BICD1: variants seen among roughly 807,000 people sequenced by gnomAD.
BICD1 encodes BICD cargo adaptor 1.
A neutral mutation model predicts 92.5 loss-of-function variants in BICD1; 35 were observed. The observed-to-expected ratio is 0.38, with a 90% CI of 0.29 to 0.50. The LOEUF is 0.50. Ranked by LOEUF, BICD1 falls within the 20% of genes least tolerant of loss-of-function variation. The pLI, the probability that BICD1 is intolerant of heterozygous loss-of-function variation, is 0.93. For missense variants in BICD1, 950 were observed against 1,189.8 expected (o/e 0.80, Z 2.97); for synonymous variants, 429 against 465.1 (o/e 0.92, Z 1.00).
chr12:32,321,202 T>G (rs1948647748), intron 4 of BICD1, among the ~76,000 whole-genome samples: 1 of 152,058 alleles, frequency 6.6e-6, no homozygotes, highest in Non-Finnish European at 1.5e-5. Flanking sequence ...GGCACGTCCC[T>G]GTAAGCCCAA....
chr12:32,197,145 A>C (rs1944750399), intron 1 of BICD1, among the ~76,000 whole-genome samples: 1 of 151,790 alleles, frequency 6.6e-6, no homozygotes. Flanking sequence ...AGTAGCTGGG[A>C]TTACAGGCAT....
chr12:32,337,391 A>G lies in BICD1; in HGVS notation c.2253-108A>G. On this transcript the variant is annotated intron_variant, in intron 6 of 9. Coordinates refer to ENST00000652176, the MANE Select transcript of BICD1 (RefSeq NM_001714.4). The surrounding 1 kb of genome is among the most constrained non-coding windows in gnomAD (Gnocchi z 4.7). Reference sequence around the variant, plus strand: ...CATTCTATTGCTAGACCTTTAAACCAGTCTTCTAAATTTCTAAATTTCGGT... The same window carrying G: ...CATTCTATTGCTAGACCTTTAAACCGGTCTTCTAAATTTCTAAATTTCGGT... 1 of 962,418 alleles carries G rather than the reference A, an allele frequency of 1.0e-6. No individual in the cohort carries two copies. The highest frequency in any genetic ancestry group is 1.6e-6 in the Non-Finnish European group (1 of 642,192). The allele number at this position is 962,418 out of a possible 1,614,324, so 59.6% of individuals were successfully genotyped here. A position where few individuals can be genotyped will look rare whatever the true frequency, so the allele number is the denominator to read the frequency against.
intron 1 of BICD1, among the ~76,000 whole-genome samples, chr12:32,170,342 A>G (rs901539191): frequency 1.3e-5 from 2 of 152,148 alleles, no homozygotes; most frequent in African/African-American, 4.8e-5. Flanking sequence ...GCTGCCTTAA[A>G]TGCTTTTTGG....
At chr12:32,316,662 G>A (rs1343680574) in intron 4 of BICD1, among the ~76,000 whole-genome samples, 1 of 151,660 alleles carries the variant, frequency 6.6e-6, no homozygotes, top group Non-Finnish European at 1.5e-5. Flanking sequence ...CACAAGTTGA[G>A]GAGCATCTGT....
rs1948436851 is a variant in BICD1 at position 32,313,860 on chromosome 12, A to G, written c.1005+7738A>G. On this transcript the variant is annotated intron_variant, in intron 4 of 9. Transcript: ENST00000652176. The surrounding 1 kb of genome is among the most constrained non-coding windows in gnomAD (Gnocchi z 4.2). ...GCTGGGCACGGTGGTGCGTGCCTATAGTCCCAGCTACTAGGGTCGCTGAGG... is the reference window on the plus strand; with the variant it reads ...GCTGGGCACGGTGGTGCGTGCCTATGGTCCCAGCTACTAGGGTCGCTGAGG... Among the ~76,000 whole-genome samples the G allele has an allele frequency of 6.6e-6, 1 of 152,146 alleles. No individual in the cohort carries two copies. The highest frequency in any genetic ancestry group is 1.5e-5 in the Non-Finnish European group (1 of 68,010).
chr12:32,120,112 C>G (rs1565528460), intron 1 of BICD1, among the ~76,000 whole-genome samples: 1 of 151,770 alleles, frequency 6.6e-6, no homozygotes, highest in Non-Finnish European at 1.5e-5. Flanking sequence ...CTTATTGTGT[C>G]TATTTATTTT....
At position 32,160,599 on chromosome 12, in the gene BICD1, C is replaced by G. The variant is rs146110541; in HGVS notation, c.213+53055C>G. ...AATAAGAGCTAACTGATTCAAATTA[C>G]TTTTATTCCTTATCATCTGATATGA... On this transcript the variant is annotated intron_variant, in intron 1 of 9. Transcript: ENST00000652176. Among the ~76,000 whole-genome samples the G allele has an allele frequency of 7.6e-3, 1,158 of 152,024 alleles. 9 individuals are homozygous for G. Among genetic ancestry groups the G allele is most frequent in the Non-Finnish European group, 0.012 (817 of 67,966 alleles).
intron 4 of BICD1, among the ~76,000 whole-genome samples, chr12:32,312,912 A>G (rs1446566567): frequency 6.6e-6 from 1 of 152,130 alleles, no homozygotes; most frequent in African/African-American, 2.4e-5. Flanking sequence ...ATAGGTTGTA[A>G]TTGACATTTT....
chr12:32,189,759 T>C (rs568282374), intron 1 of BICD1, among the ~76,000 whole-genome samples: 90 of 150,064 alleles, frequency 6.0e-4, no homozygotes, highest in Middle Eastern at 3.5e-3. Flanking sequence ...AGTGCAGTGG[T>C]GCAATCTCGG....
chr12:32,168,377 C>A (rs12814725), intron 1 of BICD1, among the ~76,000 whole-genome samples: 13,272 of 151,994 alleles, frequency 0.087, 682 homozygotes, highest in Middle Eastern at 0.14. Context: ...TGAAGACCCT[C>A]AGTTCATACT....
At chr12:32,164,203 C>G (rs1299179615) in intron 1 of BICD1, among the ~76,000 whole-genome samples, 1 of 152,184 alleles carries the variant, frequency 6.6e-6, no homozygotes, top group African/African-American at 2.4e-5. Context: ...TGAGTCAAAT[C>G]ATTGAGACTT....
chr12:32,109,603 C>T (rs1197882901), intron 1 of BICD1: 6 of 151,582 alleles, frequency 4.0e-5, no homozygotes, highest in Middle Eastern at 3.4e-3. Flanking sequence ...TTTTACTAAA[C>T]GATTCTTGTT....
At chr12:32,107,677 A>T (rs896211668) in intron 1 of BICD1, 133 bp downstream of exon 1, 10 of 998,578 alleles carry the variant, frequency 1.0e-5, no homozygotes, top group Non-Finnish European at 1.5e-5. Context: ...TTTGTTGGTA[A>T]GAGAAGATTG....
At chr12:32,344,850 T>A (rs938488239) in intron 8 of BICD1, among the ~76,000 whole-genome samples, 1 of 152,186 alleles carries the variant, frequency 6.6e-6, no homozygotes, top group Non-Finnish European at 1.5e-5. Flanking sequence ...CTTGAACTAG[T>A]AGGAGTGAAG....
At chr12:32,253,824 CGT>C (rs1565620863) in intron 2 of BICD1, among the ~76,000 whole-genome samples, 8 of 131,364 alleles carry the variant, frequency 6.1e-5, no homozygotes, top group African/African-American at 2.1e-4. Context: ...TAATCACTGC[CGT>C]ATCCCACCTG....
intron 8 of BICD1, among the ~76,000 whole-genome samples, chr12:32,358,289 T>G (rs1275236500): frequency 6.6e-6 from 1 of 151,808 alleles, no homozygotes; most frequent in Non-Finnish European, 1.5e-5. Flanking sequence ...TTAGTAGAGA[T>G]GAGTTTTCAC....
At position 32,313,985 on chromosome 12, in the gene BICD1, A is replaced by C. The variant is rs2136232255; in HGVS notation, c.1005+7863A>C. ...GGTGAAAGAGCGTGACCCTATCAAT[A>C]AATAAATAAAATAAAAATAAATGGA... On this transcript the variant is annotated intron_variant, in intron 4 of 9. Coordinates refer to ENST00000652176, the MANE Select transcript of BICD1 (RefSeq NM_001714.4). The surrounding 1 kb of genome is among the most constrained non-coding windows in gnomAD (Gnocchi z 4.2). 6.6e-6 allele frequency among the ~76,000 whole-genome samples: 1 copy of C among 152,308 alleles called. No individual in the cohort carries two copies. The highest frequency in any genetic ancestry group is 1.9e-4 in the East Asian group (1 of 5,190).
At chr12:32,308,355 A>G (rs1289513571) in intron 4 of BICD1, among the ~76,000 whole-genome samples, 2 of 152,244 alleles carry the variant, frequency 1.3e-5, no homozygotes, top group Non-Finnish European at 2.9e-5. Context: ...TCTGAGAGTC[A>G]GCCACTAGTT....
intron 5 of BICD1, chr12:32,332,984 A>C (rs11051944): frequency 1.0e-6 from 1 of 985,188 alleles, no homozygotes; most frequent in Non-Finnish European, 1.2e-6. Context: ...TTGCACAGTC[A>C]ATGGACAAAC....
Sources: gnomAD v4.1 joint callset for allele counts (sites outside exome capture counted in the v4.1 genomes callset) on GRCh38, gnomAD v4.1.1 for gene constraint, Gnocchi (gnomAD v3.1) non-coding constraint, MANE v1.5 for transcripts, NCBI Gene and HGNC (gene_info 2026-07-23, HGNC 2026-07-21) for gene names.